Variants in BPIFA3 observed in about 807,000 individuals in gnomAD.
BPIFA3 encodes the protein BPI fold containing family A member 3.
A neutral mutation model predicts 29.7 loss-of-function variants in BPIFA3; 32 were observed. That is an observed-to-expected ratio of 1.08 (90% CI 0.81 to 1.45). The LOEUF is 1.45. BPIFA3 is among the 40% of genes most tolerant of loss of function. BPIFA3 has a pLI of 0.00. For missense variants in BPIFA3, 323 were observed against 311.3 expected (o/e 1.04, Z -0.28); for synonymous variants, 112 against 113.7 (o/e 0.98, Z 0.10).
At chr20:33,221,848 C>T (rs535455607) in intron 1 of BPIFA3, among the ~76,000 whole-genome samples, 6 of 152,134 alleles carry the variant, frequency 3.9e-5, no homozygotes, top group Non-Finnish European at 8.8e-5. Context: ...ATTCTGAACC[C>T]AGGTAACCTC....
rs1568626204 is a variant in BPIFA3 at position 33,227,633 on chromosome 20, AG to A, written c.*18del. ...CCCCAGCTGACTTCTGCTGATCAGAAGGAAAGTCCACATCTTGCAACCTTAA... is the reference window on the plus strand; with the variant it reads ...CCCCAGCTGACTTCTGCTGATCAGAAGAAAGTCCACATCTTGCAACCTTAA... On this transcript the variant is annotated 3_prime_UTR_variant, in exon 7 of 7. Coordinates refer to ENST00000375454, the MANE Select transcript of BPIFA3 (RefSeq NM_178466.5). 1 of 1,608,016 alleles carries A rather than the reference AG, an allele frequency of 6.2e-7. No individual in the cohort carries two copies. The highest frequency in any genetic ancestry group is 8.5e-7 in the Non-Finnish European group (1 of 1,174,534).
At chr20:33,226,122 T>G (rs1261887303) in intron 4 of BPIFA3, 1 of 309,032 alleles carries the variant, frequency 3.2e-6, no homozygotes, top group East Asian at 8.1e-5. Context: ...AGATATTCAT[T>G]GAGTACCTAG....
chr20:33,227,521 A>G lies in BPIFA3; in HGVS notation c.686-17A>G. 6.2e-7 allele frequency: 1 copy of G among 1,606,360 alleles called. No individual in the cohort carries two copies. Among genetic ancestry groups the G allele is most frequent in the African/African-American group, 1.3e-5 (1 of 74,764 alleles). ...GGTGGGCACACTGGTGACAGACGCTACCTCTTCTCCTTACAGAACAGGAGG... is the reference window on the plus strand; with the variant it reads ...GGTGGGCACACTGGTGACAGACGCTGCCTCTTCTCCTTACAGAACAGGAGG... On this transcript the variant is annotated splice_polypyrimidine_tract_variant and intron_variant, in intron 6 of 6. Coordinates refer to ENST00000375454, the MANE Select transcript of BPIFA3 (RefSeq NM_178466.5).
chr20:33,220,443 T>G (rs6057766), intron 1 of BPIFA3, among the ~76,000 whole-genome samples: 17,737 of 152,076 alleles, frequency 0.12, 3,487 homozygotes, highest in African/African-American at 0.4. Context: ...TAAAATGAAT[T>G]TGTTAATTTA....
Position 33,217,606 on chromosome 20 carries a change from C to G in BPIFA3, c.70C>G (p.Gln24Glu). The change falls in exon 1 of 7, where the codon CAG becomes GAG. Residue 24 changes from glutamine (Q) to glutamate (E), a missense_variant. By Grantham distance (29) the Gln-to-Glu change is conservative (BLOSUM62 2). Coordinates refer to ENST00000375454, the MANE Select transcript of BPIFA3 (RefSeq NM_178466.5). ...GGCCTTGCCCTTGGCACCACACAAG[C>G]AGCCTTGGCCTGGCCTGGCCCAAGC... ...LLALPLAPHK[Q>E]PWPGLAQAHR... 6.2e-7 allele frequency: 1 copy of G among 1,614,188 alleles called. No homozygotes were observed. The highest frequency in any genetic ancestry group is 8.5e-7 in the Non-Finnish European group (1 of 1,180,016).
chr20:33,219,678 C>T (rs978587119), intron 1 of BPIFA3, among the ~76,000 whole-genome samples: 5 of 152,210 alleles, frequency 3.3e-5, no homozygotes, highest in African/African-American at 1.2e-4. Flanking sequence ...CACTGCTGAA[C>T]TCCCTATGCT....
chr20:33,222,383 T>C (rs2146484800), intron 1 of BPIFA3, among the ~76,000 whole-genome samples: 1 of 152,302 alleles, frequency 6.6e-6, no homozygotes, highest in Non-Finnish European at 1.5e-5. Flanking sequence ...GCCAACTGGG[T>C]CATGTGCCAA....
In BPIFA3 at chr20:33,225,134, T is replaced by C. The variant is rs1387414199; in HGVS notation, c.423T>C (p.His141=). Residue 141 remains histidine, a synonymous_variant, in exon 4 of 7, where the codon CAT becomes CAC. Coordinates refer to ENST00000375454, the MANE Select transcript of BPIFA3 (RefSeq NM_178466.5). ...FDNNIVKMCA[H]MSIVVEFWLE... is the part of the protein sequence containing the mutation. ...ACAACATCGTAAAGATGTGTGCACA[T>C]ATGAGCATCGTTGTGGAGTTCTGGC... 2 of 1,614,142 alleles carry C rather than the reference T, an allele frequency of 1.2e-6. No individual in the cohort carries two copies. Among genetic ancestry groups the C allele is most frequent in the Admixed American group, 1.7e-5 (1 of 60,026 alleles).
At chr20:33,225,445 C>T (rs1985739992) in intron 4 of BPIFA3, 198 bp downstream of exon 4, 6 of 661,736 alleles carry the variant, frequency 9.1e-6, no homozygotes, top group South Asian at 8.5e-5. Flanking sequence ...CCTCCTCACT[C>T]CTCAAGCCCA....
At chr20:33,226,069 A>C (rs1420412496) in intron 4 of BPIFA3, 1 of 221,448 alleles carries the variant, frequency 4.5e-6, no homozygotes, top group Non-Finnish European at 8.7e-6. Flanking sequence ...CGGAATGCTG[A>C]AAGCAATGAA....
In BPIFA3 at chr20:33,219,204, C is replaced by T. The variant is rs190648492; in HGVS notation, c.127+1541C>T. Reference sequence around the variant, plus strand: ...ACAAGTGTAAGCCACTGTGCCCAGCCCCATTTTGACTTCTTTGAATTCCCT... The same window carrying T: ...ACAAGTGTAAGCCACTGTGCCCAGCTCCATTTTGACTTCTTTGAATTCCCT... On this transcript the variant is annotated intron_variant, in intron 1 of 6. Transcript: ENST00000375454. Among the ~76,000 whole-genome samples the T allele has an allele frequency of 1.4e-4, 22 of 152,236 alleles. No individual in the cohort carries two copies. The East Asian group carries it at 4.1e-3, about 28-fold the overall frequency.
intron 1 of BPIFA3, among the ~76,000 whole-genome samples, chr20:33,222,655 G>GATGGATGC (rs1346512683): frequency 7.9e-6 from 1 of 126,928 alleles, no homozygotes; most frequent in Non-Finnish European, 1.5e-5. Flanking sequence ...TGGATGGATG[G>GATGGATGC]ATGGATGGAT....
chr20:33,225,026 C>A, intron 3 of BPIFA3, 72 bp from the exon 4 acceptor site: 1 of 1,460,662 alleles, frequency 6.8e-7, no homozygotes, highest in Non-Finnish European at 9.5e-7. Flanking sequence ...CCCGTCTTTG[C>A]CAATACGGAG....
chr20:33,225,014 T>A, intron 3 of BPIFA3, 84 bp from the exon 4 acceptor site: 4 of 1,306,124 alleles, frequency 3.1e-6, no homozygotes, highest in Non-Finnish European at 3.3e-6. Flanking sequence ...CGGTGGACAG[T>A]GCCCGTCTTT....
At chr20:33,224,569 A>G (rs2146487733) in intron 3 of BPIFA3, 107 bp downstream of exon 3, 1 of 965,348 alleles carries the variant, frequency 1.0e-6, no homozygotes, top group Non-Finnish European at 1.6e-6. Context: ...CTGGCTTCCA[A>G]AGCCACTTGC....
chr20:33,222,852 A>G (rs1003200016), intron 1 of BPIFA3, among the ~76,000 whole-genome samples: 1 of 152,204 alleles, frequency 6.6e-6, no homozygotes, highest in Non-Finnish European at 1.5e-5. Context: ...TTTGTTTAAT[A>G]TATTTCTCTC....
Position 33,224,553 on chromosome 20 carries a change from C to G in BPIFA3, c.386+91C>G, listed in dbSNP as rs986036943. ...GATCTTTCTGATCCCAACCTAAATT[C>G]AAATCCTGGCTTCCAAAGCCACTTG... On this transcript the variant is annotated intron_variant, in intron 3 of 6. Transcript: ENST00000375454. The G allele has an allele frequency of 2.6e-6, 3 of 1,148,590 alleles. No individual in the cohort carries two copies. The African/African-American group carries it at 4.6e-5, about 18-fold the overall frequency. The allele number at this position is 1,148,590 out of a possible 1,614,324, so 71.1% of individuals were successfully genotyped here.
chr20:33,224,198 A>C (rs1012527197), intron 2 of BPIFA3, among the ~76,000 whole-genome samples, 157 bp from the exon 3 acceptor site: 5 of 152,226 alleles, frequency 3.3e-5, no homozygotes, highest in Middle Eastern at 3.2e-3. Flanking sequence ...GGGCTCCCGC[A>C]CCTGACTCTT....
intron 1 of BPIFA3, 41 bp downstream of exon 1, chr20:33,217,704 G>A: frequency 1.3e-6 from 2 of 1,583,580 alleles, no homozygotes; most frequent in South Asian, 2.3e-5. Context: ...CTACGGGGCT[G>A]GGGAGGTGGG....
Sources: allele counts gnomAD v4.1 joint callset (sites outside exome capture counted in the v4.1 genomes callset), GRCh38; gene constraint gnomAD v4.1.1; transcripts MANE v1.5; gene names NCBI Gene and HGNC (gene_info 2026-07-23, HGNC 2026-07-21).